The following ITPRIP variants were observed in gnomAD, a reference collection of about 807,000 sequenced individuals.
ITPRIP encodes the protein inositol 1,4,5-trisphosphate receptor-interacting protein.
In ITPRIP, 32 loss-of-function variants were observed where a neutral mutation model predicts 35.8. That is an observed-to-expected ratio of 0.89 (90% CI 0.68 to 1.20). The LOEUF (loss-of-function observed/expected upper bound fraction) is 1.20. ITPRIP is among the 50% of genes most tolerant of loss of function. The probability of loss-of-function intolerance (pLI) is 0.00; values close to 1 mark genes in which losing one functional copy is unlikely to be tolerated. For synonymous variants in ITPRIP, 358 were observed against 324.0 expected, an observed-to-expected ratio of 1.11 and a Z score of -1.13; for missense variants, 653 against 735.6, an observed-to-expected ratio of 0.89 and a Z score of 1.30.
At chr10:104,321,703 CTTTTTTTT>C (rs111255254) in intron 1 of ITPRIP, among the ~76,000 whole-genome samples, 4 of 137,358 alleles carry the variant, frequency 2.9e-5, no homozygotes, top group African/African-American at 7.8e-5. Flanking sequence ...CTTTTCTTTT[CTTTTTTTT>C]TTTTTTTTTT....
rs754515664 is a variant in ITPRIP, at chr10:104,315,209, G to A, written c.843C>T (p.Gly281=). ...TGGCACACAGCAGGTTCTCCATGTCGCCGCAGGGAGGCGCCATGCTGTTCC... is the reference window on the plus strand; with the variant it reads ...TGGCACACAGCAGGTTCTCCATGTCACCGCAGGGAGGCGCCATGCTGTTCC... ...HGRNSMAPPC[G]DMENLLCATD... The change falls in exon 2 of 2, where the codon GGC becomes GGT. Residue 281 remains glycine, a synonymous_variant. Transcript: ENST00000337478. This position sits in a 1 kb window ranked among gnomAD's most constrained non-coding sequence, Gnocchi z 5.7. 2.4e-5 allele frequency: 38 copies of A among 1,613,902 alleles called. No individual in the cohort carries two copies. Among genetic ancestry groups the A allele is most frequent in the East Asian group, 8.9e-5 (4 of 44,874 alleles).
At chr10:104,316,475 C>T (rs982376547) in intron 1 of ITPRIP, among the ~76,000 whole-genome samples, 3 of 152,100 alleles carry the variant, frequency 2.0e-5, no homozygotes, top group Non-Finnish European at 2.9e-5. Context: ...TGATCCAATT[C>T]GGGCCAATGA....
chr10:104,331,274 A>G (rs2014142099), intron 1 of ITPRIP, among the ~76,000 whole-genome samples: 1 of 152,192 alleles, frequency 6.6e-6, no homozygotes, highest in South Asian at 2.1e-4. Context: ...CAGCCCAGGC[A>G]TGCTGCACCC....
intron 1 of ITPRIP, 118 bp from the exon 2 acceptor site, chr10:104,316,182 C>T (rs1021843359): frequency 2.4e-6 from 2 of 835,326 alleles, no homozygotes; most frequent in South Asian, 1.9e-5. Flanking sequence ...CCCACCCAAC[C>T]CATCGAGAGC....
intron 1 of ITPRIP, among the ~76,000 whole-genome samples, chr10:104,318,131 G>C (rs535617101): frequency 6.6e-6 from 1 of 152,218 alleles, no homozygotes; most frequent in Non-Finnish European, 1.5e-5. Flanking sequence ...AGTGCAGGGG[G>C]CAGCGAGCCA....
chr10:104,316,153 T>G, intron 1 of ITPRIP, 89 bp from the exon 2 acceptor site: 1 of 1,172,926 alleles, frequency 8.5e-7, no homozygotes, highest in South Asian at 1.6e-5. Context: ...CCCTCAGGGC[T>G]GGTTAAGGTC....
rs752999568 is a variant in ITPRIP at position 104,333,338 on chromosome 10, C to T, written c.-14+4908G>A. ...TCTCCCCAGCCTCTGAGAAACACAC[C>T]TGTGAACGTTACACCTTCTATGTCC... is the stretch of plus-strand genomic sequence containing the variant. On this transcript the variant is annotated intron_variant, in intron 1 of 1. Transcript: ENST00000337478. The surrounding 1 kb of genome is among the most constrained non-coding windows in gnomAD (Gnocchi z 4.1). 3 of 152,510 alleles carry T rather than the reference C, an allele frequency of 2.0e-5. No homozygotes were observed. Among genetic ancestry groups the T allele is most frequent in the Non-Finnish European group, 4.4e-5 (3 of 68,228 alleles). The allele number at this position is 152,510 out of a possible 1,614,324, so 9.4% of individuals were successfully genotyped here.
Position 104,312,982 on chromosome 10 carries a change from C to G in ITPRIP, c.*1426G>C, listed in dbSNP as rs2135172682. 1.0e-6 allele frequency: 1 copy of G among 985,396 alleles called. No homozygotes were observed. Among genetic ancestry groups the G allele is most frequent in the South Asian group, 4.7e-5 (1 of 21,290 alleles). The allele number at this position is 985,396 out of a possible 1,614,324, so 61.0% of individuals were successfully genotyped here. A position where few individuals can be genotyped will look rare whatever the true frequency, so the allele number is the denominator to read the frequency against. ...CAGGTGGAAAAGAGCCTTCCTGATCCCCCTGAACCAGACCTGGAGACGGAG... is the reference window on the plus strand; with the variant it reads ...CAGGTGGAAAAGAGCCTTCCTGATCGCCCTGAACCAGACCTGGAGACGGAG... On this transcript the variant is annotated 3_prime_UTR_variant, in exon 2 of 2. Coordinates refer to ENST00000337478, the MANE Select transcript of ITPRIP (RefSeq NM_001272013.2).
chr10:104,324,480 G>C (rs546416850), intron 1 of ITPRIP, among the ~76,000 whole-genome samples: 2 of 152,168 alleles, frequency 1.3e-5, no homozygotes, highest in Admixed American at 1.3e-4. Flanking sequence ...GTGCGTTTGC[G>C]GCTCTGGGCT....
Position 104,313,457 on chromosome 10 carries a change from G to A in ITPRIP, c.*951C>T. 1 of 985,852 alleles carries A rather than the reference G, an allele frequency of 1.0e-6. No homozygotes were observed. Among genetic ancestry groups the A allele is most frequent in the South Asian group, 4.7e-5 (1 of 21,308 alleles). The allele number at this position is 985,852 out of a possible 1,614,324, so 61.1% of individuals were successfully genotyped here. ...CAGGTGCCTTGTGGTTGCCAATGAA[G>A]AAGTGATAGAGTTTCTTTTCCAGCT... On this transcript the variant is annotated 3_prime_UTR_variant, in exon 2 of 2. Transcript: ENST00000337478.
chr10:104,332,898 A>G (rs2014175419), intron 1 of ITPRIP, among the ~76,000 whole-genome samples: 1 of 152,210 alleles, frequency 6.6e-6, no homozygotes, highest in Admixed American at 6.5e-5. Flanking sequence ...AGTGGATTCC[A>G]TACACTCTTC....
rs150063098 is a variant in ITPRIP at position 104,315,342 on chromosome 10, C to A, written c.710G>T (p.Arg237Leu). The change falls in exon 2 of 2, where the codon CGC becomes CTC. Residue 237 changes from arginine to leucine, a missense_variant. Transcript: ENST00000337478. The surrounding 1 kb of genome is among the most constrained non-coding windows in gnomAD (Gnocchi z 5.7). ...CACCTTGATCTGGCCGTAGCCCTGGCGATCCAGGGGCACTGAGCGGCCGGA... is the reference window on the plus strand; with the variant it reads ...CACCTTGATCTGGCCGTAGCCCTGGAGATCCAGGGGCACTGAGCGGCCGGA... ...WCSGRSVPLD[R>L]QGYGQIKVVR... 152 of 1,562,628 alleles carry A rather than the reference C, an allele frequency of 9.7e-5. 3 individuals carry two copies. The East Asian group carries it at 3.3e-3, about 34-fold the overall frequency.
chr10:104,321,706 T>C (rs1426204423), intron 1 of ITPRIP, among the ~76,000 whole-genome samples: 1 of 146,932 alleles, frequency 6.8e-6, no homozygotes, highest in African/African-American at 2.6e-5. Flanking sequence ...TTCTTTTCTT[T>C]TTTTTTTTTT....
At position 104,315,424 on chromosome 10, in the gene ITPRIP, G is replaced by A; in HGVS notation, c.628C>T (p.Leu210Phe). ...WQVDRPLLCH[L>F]FVPFTPPEPY... ...TCGGGGGGTGTGAAGGGCACGAAAAGGTGGCACAGCAGTGGCCTGTCCACC... is the reference window on the plus strand; with the variant it reads ...TCGGGGGGTGTGAAGGGCACGAAAAAGTGGCACAGCAGTGGCCTGTCCACC... Residue 210 changes from leucine (L) to phenylalanine (F), a missense_variant, in exon 2 of 2, where the codon CTT becomes TTT. Transcript: ENST00000337478. This position sits in a 1 kb window ranked among gnomAD's most constrained non-coding sequence, Gnocchi z 5.7. 1 of 1,595,900 alleles carries A rather than the reference G, an allele frequency of 6.3e-7. No homozygotes were observed. Among genetic ancestry groups the A allele is most frequent in the Non-Finnish European group, 8.6e-7 (1 of 1,168,006 alleles).
At chr10:104,336,509 A>G (rs1164372407) in intron 1 of ITPRIP, among the ~76,000 whole-genome samples, 4 of 66,174 alleles carry the variant, frequency 6.0e-5, no homozygotes, top group Admixed American at 1.6e-4. Flanking sequence ...GGGGGGGGGC[A>G]GCGGGGCATT....
rs140260199 is a variant in ITPRIP at position 104,314,892 on chromosome 10, T to C, written c.1160A>G (p.Tyr387Cys). ...TGTCGTCCTGAGGAAGTGTCGCTCA[T>C]AGACAGCAAAGGACAGGAGCCAGTC... ...STDWLLSFAV[Y>C]ERHFLRTTLK... Residue 387 changes from tyrosine to cysteine, a missense_variant, in exon 2 of 2, where the codon TAT becomes TGT. By Grantham distance (194) the Tyr-to-Cys change is radical. Transcript: ENST00000337478. 2.2e-4 allele frequency: 363 copies of C among 1,613,662 alleles called. No homozygotes were observed. The highest frequency in any genetic ancestry group is 2.1e-3 in the South Asian group (191 of 91,074).
intron 1 of ITPRIP, among the ~76,000 whole-genome samples, chr10:104,337,106 C>G (rs1367409581): frequency 6.6e-6 from 1 of 152,152 alleles, no homozygotes; most frequent in Non-Finnish European, 1.5e-5. Context: ...AAAAACACAG[C>G]CTATTCTGTT....
At chr10:104,335,715 C>T (rs1180251141) in intron 1 of ITPRIP, among the ~76,000 whole-genome samples, 1 of 152,172 alleles carries the variant, frequency 6.6e-6, no homozygotes, top group Admixed American at 6.5e-5. Context: ...CTGTTCTTCC[C>T]CCTTTCCCAC....
Position 104,326,826 on chromosome 10 carries a change from G to C in ITPRIP, c.-13-10762C>G, listed in dbSNP as rs2014026484. On this transcript the variant is annotated intron_variant, in intron 1 of 1. Transcript: ENST00000337478. The surrounding 1 kb of genome is among the most constrained non-coding windows in gnomAD (Gnocchi z 4.8). ...TGACACAAAAGAGAGAGACAGAGGAGAGGTGAGGGGAGACGGAGGCCAGGA... is the reference window on the plus strand; with the variant it reads ...TGACACAAAAGAGAGAGACAGAGGACAGGTGAGGGGAGACGGAGGCCAGGA... The C allele has an allele frequency of 6.6e-6, 1 of 152,308 alleles. No individual in the cohort carries two copies. The highest frequency in any genetic ancestry group is 1.5e-5 in the Non-Finnish European group (1 of 68,046). 9.4% of individuals were successfully genotyped at this position (152,308 alleles called of 1,614,324 possible). A position where few individuals can be genotyped will look rare whatever the true frequency, so the allele number is the denominator to read the frequency against.
Sources: allele counts gnomAD v4.1 joint callset (sites outside exome capture counted in the v4.1 genomes callset), GRCh38; gene constraint gnomAD v4.1.1; non-coding constraint Gnocchi (gnomAD v3.1); transcripts MANE v1.5; gene names NCBI Gene and HGNC (gene_info 2026-07-23, HGNC 2026-07-21).